The following CSMD1 variants were observed in gnomAD, a reference collection of about 807,000 sequenced individuals.
The protein encoded by CSMD1 is CUB and Sushi multiple domains 1.
CSMD1 carries 213 observed loss-of-function variants against 417.5 expected under a neutral mutation model. That is an observed-to-expected ratio of 0.51 (90% CI 0.46 to 0.57). CSMD1 has a LOEUF of 0.57. Ranked by LOEUF, CSMD1 falls within the 20% of genes least tolerant of loss-of-function variation. CSMD1 has a pLI of 0.00. For missense variants in CSMD1, 6,923 were observed against 4,529.7 expected, an observed-to-expected ratio of 1.53 and a Z score of -15.17; for synonymous variants, 2,862 against 1,736.8, an observed-to-expected ratio of 1.65 and a Z score of -16.11.
At chr8:4,310,243 C>T (rs552443599) in intron 3 of CSMD1, among the ~76,000 whole-genome samples, 1 of 152,114 alleles carries the variant, frequency 6.6e-6, no homozygotes, top group South Asian at 2.1e-4. Context: ...TAACTTATCA[C>T]ACAGAAAAAT....
chr8:4,861,868 G>A (rs1447561756), intron 1 of CSMD1, among the ~76,000 whole-genome samples: 2 of 152,068 alleles, frequency 1.3e-5, no homozygotes, highest in Non-Finnish European at 2.9e-5. Context: ...TTCTCAAGAA[G>A]CAGAGGAAGA....
intron 7 of CSMD1, among the ~76,000 whole-genome samples, chr8:3,634,522 C>G (rs1354185403): frequency 6.6e-6 from 1 of 152,174 alleles, no homozygotes; most frequent in Non-Finnish European, 1.5e-5. Context: ...GGACTCTGCC[C>G]ATGTACCTCT....
chr8:2,961,132 A>G lies in CSMD1; in HGVS notation c.9702+9T>C. On this transcript the variant is annotated intron_variant, in intron 62 of 69. Coordinates refer to ENST00000635120, the MANE Select transcript of CSMD1 (RefSeq NM_033225.6). Reference sequence around the variant, plus strand: ...AGAAAGAAAACATAGTAAATTCATAATGAACTACCTCATAGCCTCTGGAGC... The same window carrying G: ...AGAAAGAAAACATAGTAAATTCATAGTGAACTACCTCATAGCCTCTGGAGC... The G allele has an allele frequency of 6.6e-7, 1 of 1,521,832 alleles. No homozygotes were observed. Among genetic ancestry groups the G allele is most frequent in the South Asian group, 1.3e-5 (1 of 77,262 alleles). The allele number at this position is 1,521,832 out of a possible 1,614,324, so 94.3% of individuals were successfully genotyped here. A position where few individuals can be genotyped will look rare whatever the true frequency, so the allele number is the denominator to read the frequency against.
chr8:3,556,119 C>A (rs1342429227), intron 10 of CSMD1, among the ~76,000 whole-genome samples: 1 of 151,964 alleles, frequency 6.6e-6, no homozygotes, highest in East Asian at 1.9e-4. Context: ...TCACAAAACC[C>A]AGCAGCACAA....
At chr8:2,953,963 C>T (rs6996266) in intron 65 of CSMD1, among the ~76,000 whole-genome samples, 4 of 152,204 alleles carry the variant, frequency 2.6e-5, no homozygotes, top group African/African-American at 7.2e-5. Context: ...TACCAAATGC[C>T]GAAGGCAAGT....
At chr8:3,592,230 C>T (rs1055827999) in intron 8 of CSMD1, among the ~76,000 whole-genome samples, 1 of 151,680 alleles carries the variant, frequency 6.6e-6, no homozygotes, top group African/African-American at 2.4e-5. Context: ...TAGATAGATA[C>T]ATAGATGGAT....
intron 3 of CSMD1, among the ~76,000 whole-genome samples, chr8:4,359,408 G>A (rs186137548): frequency 6.6e-6 from 1 of 152,276 alleles, no homozygotes; most frequent in East Asian, 1.9e-4. Context: ...ATATTAACTA[G>A]AGAAGCTTTG....
chr8:4,162,300 T>G (rs1363052102), intron 3 of CSMD1, among the ~76,000 whole-genome samples: 1 of 152,190 alleles, frequency 6.6e-6, no homozygotes, highest in Non-Finnish European at 1.5e-5. Context: ...TAAAGAAAAC[T>G]CAGCAAAGTT....
In CSMD1 at chr8:4,586,015, C is replaced by G. The variant is rs115752574; in HGVS notation, c.302+51327G>C. On this transcript the variant is annotated intron_variant, in intron 2 of 69. Coordinates refer to ENST00000635120, the MANE Select transcript of CSMD1 (RefSeq NM_033225.6). ...TTTTAATGACTATTTTCATCATTACCTTTTTCATTATTATGCGCATGTAAT... is the reference window on the plus strand; with the variant it reads ...TTTTAATGACTATTTTCATCATTACGTTTTTCATTATTATGCGCATGTAAT... Among the ~76,000 whole-genome samples, 1,112 of 151,988 alleles carry G rather than the reference C, an allele frequency of 7.3e-3. 14 individuals are homozygous for G. The highest frequency in any genetic ancestry group is 0.025 in the African/African-American group (1,048 of 41,450).
Position 3,788,254 on chromosome 8 carries a change from G to A in CSMD1, c.819-34212C>T, listed in dbSNP as rs562159822. 1.1e-4 allele frequency among the ~76,000 whole-genome samples: 17 copies of A among 152,294 alleles called. No homozygotes were observed. In the South Asian group the frequency reaches 2.9e-3, roughly 26 times the overall value. ...TAGACCTGCATTTAAACAAGATGGA[G>A]CTAAACATCAGTTTTCTTTCTTAAG... On this transcript the variant is annotated intron_variant, in intron 5 of 69. Transcript: ENST00000635120.
intron 3 of CSMD1, among the ~76,000 whole-genome samples, chr8:4,054,854 G>C (rs1461914633): frequency 1.3e-5 from 2 of 152,140 alleles, no homozygotes; most frequent in Non-Finnish European, 2.9e-5. Context: ...TGTTTGGAGA[G>C]AATGTATTGA....
intron 49 of CSMD1, among the ~76,000 whole-genome samples, chr8:3,062,255 T>C (rs1350617845): frequency 6.6e-6 from 1 of 152,050 alleles, no homozygotes; most frequent in Non-Finnish European, 1.5e-5. Flanking sequence ...CATCATCCAA[T>C]ATACCATTAA....
At chr8:3,985,591 G>A (rs1461322547) in intron 5 of CSMD1, among the ~76,000 whole-genome samples, 3 of 152,074 alleles carry the variant, frequency 2.0e-5, no homozygotes, top group African/African-American at 7.2e-5. Context: ...TTTATTTGAA[G>A]GGGCGCCACC....
intron 2 of CSMD1, among the ~76,000 whole-genome samples, chr8:4,549,597 A>T (rs928743136): frequency 6.6e-6 from 1 of 152,084 alleles, no homozygotes; most frequent in African/African-American, 2.4e-5. Context: ...GGATCAACAA[A>T]GACATGAATG....
In CSMD1 at chr8:3,118,594, G is replaced by A. The variant is rs1554430527; in HGVS notation, c.6242-7C>T. 1.2e-5 allele frequency: 19 copies of A among 1,608,142 alleles called. No individual in the cohort carries two copies. Among genetic ancestry groups the A allele is most frequent in the Non-Finnish European group, 3.4e-6 (4 of 1,177,722 alleles). On this transcript the variant is annotated splice_region_variant and splice_polypyrimidine_tract_variant and intron_variant, in intron 41 of 69. Transcript: ENST00000635120. ...CAGTTCTGTAATTCATAGGCTGAAAGAAACAAACAGACAAAATAAAGCTTA... is the reference window on the plus strand; with the variant it reads ...CAGTTCTGTAATTCATAGGCTGAAAAAAACAAACAGACAAAATAAAGCTTA...
At chr8:3,736,349 C>A (rs150651484) in intron 6 of CSMD1, among the ~76,000 whole-genome samples, 1 of 151,972 alleles carries the variant, frequency 6.6e-6, no homozygotes, top group Non-Finnish European at 1.5e-5. Flanking sequence ...TCAGGTGATT[C>A]TCCTACCTCA....
intron 51 of CSMD1, among the ~76,000 whole-genome samples, chr8:3,021,485 T>A (rs78142898): frequency 0.024 from 3,588 of 152,312 alleles, 142 homozygotes; most frequent in African/African-American, 0.083. Flanking sequence ...CTTTTTCCTC[T>A]GAAGTTTCTA....
At chr8:3,743,165 T>A (rs1182280301) in intron 6 of CSMD1, among the ~76,000 whole-genome samples, 4 of 152,150 alleles carry the variant, frequency 2.6e-5, no homozygotes, top group Non-Finnish European at 5.9e-5. Context: ...AAAGCCAGCA[T>A]CTCTCTACTG....
chr8:4,253,427 G>A (rs1037704572), intron 3 of CSMD1, among the ~76,000 whole-genome samples: 3 of 151,692 alleles, frequency 2.0e-5, no homozygotes, highest in African/African-American at 7.3e-5. Flanking sequence ...TCCCACACCA[G>A]AACATAGCGG....
Sources: gnomAD v4.1 joint callset for allele counts (sites outside exome capture counted in the v4.1 genomes callset) on GRCh38, gnomAD v4.1.1 for gene constraint, MANE v1.5 for transcripts, NCBI Gene and HGNC (gene_info 2026-07-23, HGNC 2026-07-21) for gene names.